Variants in HPN observed in about 807,000 individuals in gnomAD.
The protein encoded by HPN is hepsin.
A neutral mutation model predicts 55.9 loss-of-function variants in HPN; 13 were observed. The observed-to-expected ratio is 0.23, with a 90% confidence interval of 0.15 to 0.37. The LOEUF (loss-of-function observed/expected upper bound fraction) is 0.37. Among genes scored for constraint, HPN ranks in the 10% least tolerant of loss-of-function variants. The pLI, the probability that HPN is intolerant of heterozygous loss-of-function variation, is 1.00. For synonymous variants in HPN, 225 were observed against 240.3 expected, an observed-to-expected ratio of 0.94 and a Z score of 0.59; for missense variants, 451 against 575.8, an observed-to-expected ratio of 0.78 and a Z score of 2.22.
rs759452241 is a variant in HPN at position 35,049,509 on chromosome 19, G to A, written c.153G>A (p.Leu51=). The part of the protein sequence containing the change: ...AVLLRSDQEP[L]YPVQVSSADA... ...TCCTCAGGAGTGACCAGGAGCCGCT[G>A]TACCCAGGTGAGTGGAGCAGGCTGG... Residue 51 remains leucine (L), a synonymous_variant, in exon 4 of 13, where the codon CTG becomes CTA. Transcript: ENST00000672452. 1.2e-6 allele frequency: 2 copies of A among 1,601,944 alleles called. No individual in the cohort carries two copies. The highest frequency in any genetic ancestry group is 1.7e-6 in the Non-Finnish European group (2 of 1,173,852).
chr19:35,064,600 C>T (rs928697003), intron 9 of HPN, among the ~76,000 whole-genome samples: 5 of 151,920 alleles, frequency 3.3e-5, no homozygotes, highest in Non-Finnish European at 7.4e-5. Flanking sequence ...TGCACTCTGG[C>T]CTGGGTGACA....
chr19:35,065,139 T>C, intron 9 of HPN, 111 bp from the exon 10 acceptor site: 1 of 685,982 alleles, frequency 1.5e-6, no homozygotes, highest in Non-Finnish European at 2.4e-6. Flanking sequence ...GTTTTTTTTT[T>C]AAAGAACAGA....
intron 4 of HPN, among the ~76,000 whole-genome samples, chr19:35,051,448 A>G (rs952158157): frequency 2.5e-4 from 38 of 152,204 alleles, no homozygotes; most frequent in African/African-American, 8.9e-4. Context: ...ATCTTGCTAC[A>G]TTGCCCAGTC....
At chr19:35,046,441 C>T (rs2064342893) in intron 2 of HPN, among the ~76,000 whole-genome samples, 1 of 152,150 alleles carries the variant, frequency 6.6e-6, no homozygotes, top group Non-Finnish European at 1.5e-5. Context: ...GGCGGGGTTT[C>T]ACCATGTTGG....
chr19:35,042,504 G>C lies in HPN; in HGVS notation c.-3G>C. 6.2e-7 allele frequency: 1 copy of C among 1,609,636 alleles called. No individual in the cohort carries two copies. Among genetic ancestry groups the C allele is most frequent in the Non-Finnish European group, 8.5e-7 (1 of 1,178,216 alleles). The stretch of plus-strand genomic sequence containing the variant: ...CAGGGAATCATTAACAAGAGGCAGT[G>C]ACATGGCGCAGAAGGAGGGTGAGTC... On this transcript the variant is annotated 5_prime_UTR_variant, in exon 2 of 13. Transcript: ENST00000672452.
Position 35,066,288 on chromosome 19 carries a change from C to A in HPN, c.*1C>A. ...CAGCGGCATGGTGACCCAGCTCTGA[C>A]CGGTGGCTTCTCGCTGCGCAGCCTC... is the stretch of plus-strand genomic sequence containing the variant. On this transcript the variant is annotated 3_prime_UTR_variant, in exon 13 of 13. Transcript: ENST00000672452. 6.2e-7 allele frequency: 1 copy of A among 1,611,782 alleles called. No individual in the cohort carries two copies.
chr19:35,065,663 T>C lies in HPN; in HGVS notation c.1032T>C (p.Gly344=), dbSNP rs1409097762. The part of the protein sequence containing the change: ...PKMFCAGYPE[G]GIDACQGDSG... ...TGTTCTGTGCTGGCTACCCCGAGGG[T>C]GGCATTGATGCCTGCCAGGTGAGGG... is the stretch of plus-strand genomic sequence containing the variant. The change falls in exon 11 of 13, where the codon GGT becomes GGC. Residue 344 remains glycine (G), a synonymous_variant. Coordinates refer to ENST00000672452, the MANE Select transcript of HPN (RefSeq NM_001384133.1). 6.2e-7 allele frequency: 1 copy of C among 1,614,048 alleles called. No individual in the cohort carries two copies. The highest frequency in any genetic ancestry group is 8.5e-7 in the Non-Finnish European group (1 of 1,179,980).
chr19:35,043,924 TG>T (rs1478595696), intron 2 of HPN, among the ~76,000 whole-genome samples: 2 of 152,194 alleles, frequency 1.3e-5, no homozygotes, highest in African/African-American at 4.8e-5. Flanking sequence ...GGTGCCTCCC[TG>T]GCAGCTCCGG....
chr19:35,054,815 G>T (rs1354680593), intron 4 of HPN, among the ~76,000 whole-genome samples: 1 of 152,164 alleles, frequency 6.6e-6, no homozygotes, highest in East Asian at 1.9e-4. Context: ...CCTAGCCCCA[G>T]GAACACAGTA....
chr19:35,060,096 T>C (rs1314692308), intron 6 of HPN, 33 bp from the exon 7 acceptor site: 1 of 1,614,176 alleles, frequency 6.2e-7, no homozygotes, highest in South Asian at 1.1e-5. Context: ...TCTATTTCCT[T>C]TCTTTCTGTG....
At chr19:35,048,127 G>A (rs2064367435) in intron 2 of HPN, among the ~76,000 whole-genome samples, 1 of 152,006 alleles carries the variant, frequency 6.6e-6, no homozygotes, top group South Asian at 2.1e-4. Flanking sequence ...CTGAGGCTCA[G>A]AGAGGGGAGG....
intron 4 of HPN, among the ~76,000 whole-genome samples, chr19:35,050,998 C>T (rs542141771): frequency 7.0e-6 from 1 of 142,918 alleles, no homozygotes; most frequent in East Asian, 2.1e-4. Context: ...CTCATTGTAA[C>T]CTACATCTCC....
intron 2 of HPN, among the ~76,000 whole-genome samples, chr19:35,048,022 G>A (rs1442312225): frequency 2.2e-5 from 1 of 45,164 alleles, no homozygotes; most frequent in Admixed American, 4.9e-4. Flanking sequence ...AAGAGAGAGA[G>A]AGAGAAAAAG....
At position 35,059,758 on chromosome 19, in the gene HPN, C is replaced by T; in HGVS notation, c.246C>T (p.Asn82=). The part of the protein sequence containing the change: ...TWRLLCSSRS[N]ARVAGLSCEE... ...GGCTGCTGTGCTCCTCGCGCTCCAA[C>T]GCCAGGGTAGCCGGACTCAGCTGCG... Residue 82 remains asparagine, a synonymous_variant, in exon 5 of 13, where the codon AAC becomes AAT. Transcript: ENST00000672452. 5 of 1,591,218 alleles carry T rather than the reference C, an allele frequency of 3.1e-6. No individual in the cohort carries two copies. The highest frequency in any genetic ancestry group is 4.3e-6 in the Non-Finnish European group (5 of 1,169,626).
chr19:35,057,079 C>T (rs767893475), intron 4 of HPN, among the ~76,000 whole-genome samples: 12 of 152,132 alleles, frequency 7.9e-5, no homozygotes, highest in Admixed American at 2.6e-4. Flanking sequence ...ACTCACTTAA[C>T]CGACAGTCAC....
chr19:35,064,087 G>A (rs915997056), intron 9 of HPN, among the ~76,000 whole-genome samples: 6 of 152,142 alleles, frequency 3.9e-5, no homozygotes, highest in Admixed American at 1.3e-4. Context: ...AACTTCTGGG[G>A]ATAAGTGATT....
At chr19:35,053,761 A>G (rs894095287) in intron 4 of HPN, among the ~76,000 whole-genome samples, 3 of 151,974 alleles carry the variant, frequency 2.0e-5, no homozygotes, top group African/African-American at 7.3e-5. Flanking sequence ...AACTTAAAAT[A>G]GAATAAAATA....
intron 2 of HPN, among the ~76,000 whole-genome samples, chr19:35,048,080 GAA>G (rs1327137855): frequency 0.027 from 966 of 36,408 alleles, 11 homozygotes; most frequent in African/African-American, 0.054. Flanking sequence ...AAGAAAGAAA[GAA>G]AAGGAAGGAA....
intron 9 of HPN, 40 bp from the exon 10 acceptor site, chr19:35,065,210 C>T: frequency 6.9e-7 from 1 of 1,452,030 alleles, no homozygotes; most frequent in African/African-American, 1.4e-5. Flanking sequence ...CCAGGTGGGG[C>T]AGGCCAGCGG....
Sources: gnomAD v4.1 joint callset for allele counts (sites outside exome capture counted in the v4.1 genomes callset) on GRCh38, gnomAD v4.1.1 for gene constraint, MANE v1.5 for transcripts, NCBI Gene and HGNC (gene_info 2026-07-23, HGNC 2026-07-21) for gene names.